The following NTNG1 variants were observed in gnomAD, a reference collection of about 807,000 sequenced individuals.
NTNG1 encodes netrin-G1.
Under a neutral mutation model 54.0 loss-of-function variants are expected in NTNG1, and 16 were observed. That is an observed-to-expected ratio of 0.30 (90% CI 0.20 to 0.45). NTNG1 has a LOEUF of 0.45. NTNG1 is among the 20% of genes least tolerant of loss of function. The pLI is 1.00. For synonymous variants in NTNG1, 255 were observed against 263.1 expected, an observed-to-expected ratio of 0.97 and a Z score of 0.30; for missense variants, 530 against 678.7, an observed-to-expected ratio of 0.78 and a Z score of 2.43.
At chr1:107,160,477 T>A (rs1049178936) in intron 2 of NTNG1, among the ~76,000 whole-genome samples, 9 of 152,120 alleles carry the variant, frequency 5.9e-5, no homozygotes, top group African/African-American at 1.7e-4. Context: ...TGCTTCCTAC[T>A]TTTGTCCTAC....
At chr1:107,271,136 T>G (rs1664117292) in intron 2 of NTNG1, among the ~76,000 whole-genome samples, 1 of 152,178 alleles carries the variant, frequency 6.6e-6, no homozygotes, top group African/African-American at 2.4e-5. Flanking sequence ...AGATACAGAT[T>G]GTAATTTTGT....
At chr1:107,386,148 T>TAC (rs1414605282) in intron 3 of NTNG1, among the ~76,000 whole-genome samples, 3 of 84,038 alleles carry the variant, frequency 3.6e-5, no homozygotes, top group Non-Finnish European at 6.0e-5. Flanking sequence ...TATATATGTG[T>TAC]GTATATATAT....
intron 2 of NTNG1, among the ~76,000 whole-genome samples, chr1:107,174,240 GCC>G (rs1421110949): frequency 1.3e-5 from 2 of 151,844 alleles, no homozygotes; most frequent in Non-Finnish European, 2.9e-5. Context: ...GGTATCTATT[GCC>G]CCCAATTTAA....
chr1:107,205,263 A>G lies in NTNG1; in HGVS notation c.246+56424A>G, dbSNP rs942460404. On this transcript the variant is annotated intron_variant, in intron 2 of 7. Transcript: ENST00000370068. The stretch of plus-strand genomic sequence containing the variant: ...AGCTTCAGAGACTTCTGCTCCAGGT[A>G]TGTAGATCTAGGCTGTGTCTCTTGG... Among the ~76,000 whole-genome samples, 10 of 151,956 alleles carry G rather than the reference A, an allele frequency of 6.6e-5. No homozygotes were observed. The South Asian group carries it at 1.5e-3, about 22-fold the overall frequency.
At chr1:107,340,597 T>TA (rs1199279379) in intron 3 of NTNG1, among the ~76,000 whole-genome samples, 5 of 152,084 alleles carry the variant, frequency 3.3e-5, no homozygotes, top group Admixed American at 3.3e-4. Context: ...AACAAAAACA[T>TA]ATGTAAAGAT....
chr1:107,407,492 T>C lies in NTNG1; in HGVS notation c.1061-190T>C, dbSNP rs913313699. Among the ~76,000 whole-genome samples the C allele has an allele frequency of 5.3e-5, 8 of 150,316 alleles. No individual in the cohort carries two copies. In the East Asian group the frequency reaches 1.6e-3, roughly 29 times the overall value. ...ACAAAATGGTTTCAATTGCTGGAAA[T>C]TGTGTGTGTGTGTGTGTGTATAATG... On this transcript the variant is annotated intron_variant, in intron 4 of 7. Coordinates refer to ENST00000370068, the MANE Select transcript of NTNG1 (RefSeq NM_001113226.3).
chr1:107,314,653 AAATATATGATC>A (rs1667229170), intron 2 of NTNG1, among the ~76,000 whole-genome samples: 1 of 152,130 alleles, frequency 6.6e-6, no homozygotes, highest in Non-Finnish European at 1.5e-5. Flanking sequence ...AATGTCTCAT[AAATATATGATC>A]TGCAGCCTGG....
intron 2 of NTNG1, among the ~76,000 whole-genome samples, chr1:107,298,428 A>G (rs1666113745): frequency 1.3e-5 from 2 of 152,292 alleles, no homozygotes; most frequent in African/African-American, 2.4e-5. Flanking sequence ...ACAAGGAAAT[A>G]CTGAGTTGTT....
rs755169681 is a variant in NTNG1 at position 107,324,878 on chromosome 1, G to T, written c.843G>T (p.Leu281Phe). 1 of 1,613,154 alleles carries T rather than the reference G, an allele frequency of 6.2e-7. No homozygotes were observed. The highest frequency in any genetic ancestry group is 8.5e-7 in the Non-Finnish European group (1 of 1,179,492). The change falls in exon 3 of 8, where the codon TTG becomes TTT. Residue 281 changes from leucine (L) to phenylalanine (F), a missense_variant. Leu to Phe is a conservative substitution (Grantham distance 22, BLOSUM62 0). Around this residue, in one of 2 missense-constraint regions of NTNG1, gnomAD observed 318 missense variants for 465.1 expected, o/e 0.68. Coordinates refer to ENST00000370068, the MANE Select transcript of NTNG1 (RefSeq NM_001113226.3). The part of the protein sequence containing the change: ...VGEIFVDELH[L>F]ARYFYAISDI... The stretch of plus-strand genomic sequence containing the variant: ...AAATATTTGTAGATGAGCTACACTT[G>T]GCACGCTACTTTTACGCGATCTCAG...
intron 2 of NTNG1, among the ~76,000 whole-genome samples, chr1:107,202,598 T>C (rs895876097): frequency 1.3e-5 from 2 of 151,958 alleles, no homozygotes; most frequent in African/African-American, 4.8e-5. Context: ...TTTCCCTTTC[T>C]ACTGGATTGA....
intron 2 of NTNG1, among the ~76,000 whole-genome samples, chr1:107,149,598 T>TC (rs1219286574): frequency 1.3e-5 from 2 of 152,190 alleles, no homozygotes; most frequent in African/African-American, 4.8e-5. Context: ...TCCTTTTTTT[T>TC]CTGCATAGAA....
intron 2 of NTNG1, among the ~76,000 whole-genome samples, chr1:107,212,622 C>T (rs998657500): frequency 6.6e-6 from 1 of 152,142 alleles, no homozygotes; most frequent in Non-Finnish European, 1.5e-5. Context: ...ATTTTGACAT[C>T]ATTGAGCTTT....
intron 2 of NTNG1, among the ~76,000 whole-genome samples, chr1:107,217,395 G>T (rs1427839572): frequency 6.6e-6 from 1 of 152,010 alleles, no homozygotes. Context: ...CAAAGAACCA[G>T]CTTTTTGTTT....
intron 2 of NTNG1, among the ~76,000 whole-genome samples, chr1:107,289,692 G>A (rs1416587386): frequency 4.6e-5 from 7 of 152,242 alleles, no homozygotes; most frequent in South Asian, 4.2e-4. Flanking sequence ...CCACAAAGAA[G>A]AGATAACGTG....
chr1:107,435,227 A>AGT (rs1188367443), intron 6 of NTNG1, among the ~76,000 whole-genome samples: 2 of 152,164 alleles, frequency 1.3e-5, no homozygotes, highest in African/African-American at 2.4e-5. Context: ...TAATGTGCCT[A>AGT]TGTACAGACA....
At chr1:107,438,921 G>C (rs528469633) in intron 7 of NTNG1, among the ~76,000 whole-genome samples, 1 of 152,116 alleles carries the variant, frequency 6.6e-6, no homozygotes, top group Non-Finnish European at 1.5e-5. Flanking sequence ...TACTTGTTAG[G>C]TGGATCACTG....
At position 107,484,738 on chromosome 1, in the gene NTNG1, G is replaced by A. The variant is rs1020864989; in HGVS notation, c.*3898G>A. 2.6e-5 allele frequency among the ~76,000 whole-genome samples: 4 copies of A among 152,132 alleles called. No homozygotes were observed. The highest frequency in any genetic ancestry group is 5.9e-5 in the Non-Finnish European group (4 of 68,024). ...ACAACTGTGAGGAAATCTTGACATCGAATATTTTGTTCCATCTCCTTCACC... is the reference window on the plus strand; with the variant it reads ...ACAACTGTGAGGAAATCTTGACATCAAATATTTTGTTCCATCTCCTTCACC... On this transcript the variant is annotated 3_prime_UTR_variant, in exon 8 of 8. Coordinates refer to ENST00000370068, the MANE Select transcript of NTNG1 (RefSeq NM_001113226.3).
intron 3 of NTNG1, among the ~76,000 whole-genome samples, chr1:107,325,668 A>G (rs1297285244): frequency 1.3e-5 from 2 of 152,076 alleles, no homozygotes; most frequent in Non-Finnish European, 2.9e-5. Flanking sequence ...AACTTCAATA[A>G]TGAGAACCAG....
At chr1:107,155,525 C>T (rs2101037234) in intron 2 of NTNG1, among the ~76,000 whole-genome samples, 1 of 152,108 alleles carries the variant, frequency 6.6e-6, no homozygotes, top group African/African-American at 2.4e-5. Flanking sequence ...TGTACTCCAC[C>T]ATTTAGCACC....
Sources: gnomAD v4.1 joint callset for allele counts (sites outside exome capture counted in the v4.1 genomes callset) on GRCh38, gnomAD v4.1.1 for gene constraint, gnomAD v4.1.1 regional missense constraint, MANE v1.5 for transcripts, NCBI Gene and HGNC (gene_info 2026-07-23, HGNC 2026-07-21) for gene names.